The following ROBO2 variants were observed in gnomAD, a reference collection of about 807,000 sequenced individuals.
The protein encoded by ROBO2 is roundabout guidance receptor 2, also known as roundabout homolog 2.
In ROBO2, 53 loss-of-function variants were observed where a neutral mutation model predicts 160.8. The ratio of observed to expected loss-of-function variants is 0.33; its 90% confidence interval spans 0.26 to 0.41. The LOEUF is 0.41. ROBO2 is among the 10% of genes least tolerant of loss of function. ROBO2 has a pLI of 1.00. For synonymous variants in ROBO2, 664 were observed against 611.7 expected (o/e 1.09, Z -1.26); for missense variants, 1,577 against 1,722.4 (o/e 0.92, Z 1.49).
intron 2 of ROBO2, among the ~76,000 whole-genome samples, chr3:77,327,808 G>C (rs1361078195): frequency 6.6e-6 from 1 of 152,044 alleles, no homozygotes; most frequent in Admixed American, 6.5e-5. Context: ...CCAGCACTTT[G>C]GGAGGCCGAG....
intron 6 of ROBO2, among the ~76,000 whole-genome samples, chr3:77,544,658 C>G (rs1245553290): frequency 6.6e-6 from 1 of 152,080 alleles, no homozygotes; most frequent in Non-Finnish European, 1.5e-5. Context: ...ACCTGCACTT[C>G]TTTTCTCCTG....
In ROBO2 at chr3:76,556,032, A is replaced by G. The variant is rs148265747; in HGVS notation, c.110-541982A>G. Among the ~76,000 whole-genome samples, 320 of 152,270 alleles carry G rather than the reference A, an allele frequency of 2.1e-3. 1 individual carries two copies. The highest frequency in any genetic ancestry group is 7.0e-3 in the African/African-American group (290 of 41,578). ...CTTGATCACTTTGAACTCAGGAGGC[A>G]GAGGTTGCAGTGAGCTAAGATCATG... On this transcript the variant is annotated intron_variant, in intron 2 of 26. Coordinates refer to the ROBO2 transcript ENST00000487694.
intron 2 of ROBO2, among the ~76,000 whole-genome samples, chr3:76,776,922 T>C (rs2062304524): frequency 6.6e-6 from 1 of 150,954 alleles, no homozygotes; most frequent in South Asian, 2.1e-4. Flanking sequence ...TTAAATATCT[T>C]GTTGATATAT....
At chr3:76,463,740 C>A (rs1169037382) in intron 2 of ROBO2, among the ~76,000 whole-genome samples, 3 of 152,154 alleles carry the variant, frequency 2.0e-5, no homozygotes, top group Admixed American at 1.3e-4. Flanking sequence ...TTATCTATTG[C>A]CACCTGCAAC....
intron 2 of ROBO2, among the ~76,000 whole-genome samples, chr3:77,383,247 T>C (rs2073740285): frequency 6.6e-6 from 1 of 152,074 alleles, no homozygotes. Flanking sequence ...ATCTGTAAAA[T>C]GAAAATAATA....
intron 2 of ROBO2, among the ~76,000 whole-genome samples, chr3:76,018,292 A>G (rs2066462702): frequency 6.6e-6 from 1 of 152,026 alleles, no homozygotes; most frequent in Admixed American, 6.6e-5. Flanking sequence ...GAAAAAATAT[A>G]ACAATCATTG....
At chr3:76,913,973 T>A (rs994555990) in intron 2 of ROBO2, among the ~76,000 whole-genome samples, 4 of 152,098 alleles carry the variant, frequency 2.6e-5, no homozygotes, top group African/African-American at 9.7e-5. Context: ...GTAATACTCC[T>A]TTAGATAAGT....
At chr3:76,971,355 A>T (rs960318894) in intron 2 of ROBO2, among the ~76,000 whole-genome samples, 7 of 152,034 alleles carry the variant, frequency 4.6e-5, no homozygotes, top group African/African-American at 1.7e-4. Context: ...AAACATTTCC[A>T]TTTTTTTCTA....
At chr3:77,581,228 C>T (rs1157526471) in intron 16 of ROBO2, among the ~76,000 whole-genome samples, 1 of 152,012 alleles carries the variant, frequency 6.6e-6, no homozygotes, top group African/African-American at 2.4e-5. Context: ...AATTCTTTTC[C>T]ATGTATATGT....
intron 2 of ROBO2, among the ~76,000 whole-genome samples, chr3:76,766,128 G>A (rs1042201127): frequency 6.6e-6 from 1 of 151,566 alleles, no homozygotes; most frequent in Non-Finnish European, 1.5e-5. Context: ...ACCATTGCCT[G>A]AAGTCTCAGA....
At chr3:76,693,907 T>C (rs1488558240) in intron 2 of ROBO2, among the ~76,000 whole-genome samples, 4 of 152,180 alleles carry the variant, frequency 2.6e-5, no homozygotes, top group Admixed American at 2.6e-4. Context: ...AGTTCATTGA[T>C]TCAAGTATCA....
intron 2 of ROBO2, among the ~76,000 whole-genome samples, chr3:76,119,497 A>C (rs1296491807): frequency 1.3e-5 from 2 of 152,054 alleles, no homozygotes; most frequent in Non-Finnish European, 2.9e-5. Flanking sequence ...TGGTCCAATA[A>C]AATATTAATG....
chr3:77,423,389 C>A (rs1297107478), intron 2 of ROBO2, among the ~76,000 whole-genome samples: 1 of 152,052 alleles, frequency 6.6e-6, no homozygotes, highest in Non-Finnish European at 1.5e-5. Context: ...ATGTGAAATA[C>A]AGAATGACAA....
At chr3:76,856,262 G>T (rs537707465) in intron 2 of ROBO2, among the ~76,000 whole-genome samples, 1 of 152,292 alleles carries the variant, frequency 6.6e-6, no homozygotes, top group South Asian at 2.1e-4. Flanking sequence ...CCTGCCTTTA[G>T]ATCGATCCTT....
At chr3:77,260,802 T>C (rs1229187149) in intron 2 of ROBO2, among the ~76,000 whole-genome samples, 2 of 152,142 alleles carry the variant, frequency 1.3e-5, no homozygotes, top group Admixed American at 6.6e-5. Flanking sequence ...ACCTGAATGA[T>C]TGTGCGACGT....
At chr3:77,231,337 T>C (rs2087165769) in intron 2 of ROBO2, among the ~76,000 whole-genome samples, 1 of 118,902 alleles carries the variant, frequency 8.4e-6, no homozygotes, top group Non-Finnish European at 1.6e-5. Flanking sequence ...TACTCCAGCC[T>C]GGGCAGCAGT....
intron 2 of ROBO2, among the ~76,000 whole-genome samples, chr3:77,437,078 A>C (rs1360102151): frequency 6.6e-6 from 1 of 152,026 alleles, no homozygotes. Flanking sequence ...GTTTCTGAAT[A>C]CCTTGCATAG....
At chr3:77,556,917 T>G (rs892864695) in intron 8 of ROBO2, among the ~76,000 whole-genome samples, 1 of 151,860 alleles carries the variant, frequency 6.6e-6, no homozygotes, top group Non-Finnish European at 1.5e-5. Context: ...TATAGAACTT[T>G]CTCTTTAGAA....
At chr3:76,214,314 G>A (rs1559647719) in intron 2 of ROBO2, among the ~76,000 whole-genome samples, 3 of 151,996 alleles carry the variant, frequency 2.0e-5, no homozygotes, top group Admixed American at 6.6e-5. Flanking sequence ...GTTAAAACTC[G>A]GTCCCTCAGT....
Sources: gnomAD v4.1 joint callset for allele counts (sites outside exome capture counted in the v4.1 genomes callset) on GRCh38, gnomAD v4.1.1 for gene constraint, MANE v1.5 for transcripts, NCBI Gene and HGNC (gene_info 2026-07-23, HGNC 2026-07-21) for gene names.